CACNA1S: variants seen among roughly 807,000 people sequenced by gnomAD.
The protein encoded by CACNA1S is voltage-dependent L-type calcium channel subunit alpha-1S.
In CACNA1S, 126 loss-of-function variants were observed where a neutral mutation model predicts 207.4. The observed-to-expected ratio is 0.61, with a 90% CI of 0.53 to 0.70. The LOEUF (loss-of-function observed/expected upper bound fraction) is 0.70, where lower values mean the gene tolerates loss of function less well. Among genes scored for constraint, CACNA1S ranks in the 30% least tolerant of loss-of-function variants. The pLI is 0.00. For missense variants in CACNA1S, 2,349 were observed against 2,422.8 expected, an observed-to-expected ratio of 0.97 and a Z score of 0.64; for synonymous variants, 960 against 932.7, an observed-to-expected ratio of 1.03 and a Z score of -0.53.
rs1243109044 is a variant in CACNA1S, at chr1:201,110,157, A to G, written c.258+7T>C. Reference sequence around the variant, plus strand: ...CGCAGGAAGGGAGATGGAAGGGCCAATCTTACCAGGCCGAGGTTCAGAGAG... The same window carrying G: ...CGCAGGAAGGGAGATGGAAGGGCCAGTCTTACCAGGCCGAGGTTCAGAGAG... On this transcript the variant is annotated splice_region_variant and intron_variant, in intron 2 of 43. Transcript: ENST00000362061. 2 of 1,613,594 alleles carry G rather than the reference A, an allele frequency of 1.2e-6. No homozygotes were observed. The highest frequency in any genetic ancestry group is 2.2e-5 in the East Asian group (1 of 44,874).
intron 31 of CACNA1S, among the ~76,000 whole-genome samples, chr1:201,052,932 G>A (rs897489933): frequency 3.9e-5 from 6 of 152,060 alleles, no homozygotes; most frequent in African/African-American, 1.5e-4. Flanking sequence ...CTCAGGGGAG[G>A]GTAGACAGAG....
In CACNA1S at chr1:201,085,004, G is replaced by A; in HGVS notation, c.1178C>T (p.Ser393Phe). The change falls in exon 9 of 44, where the codon TCT becomes TTT. Residue 393 changes from serine (S) to phenylalanine (F), a missense_variant. Physicochemically the swap from Ser to Phe is radical, Grantham distance 155. Transcript: ENST00000362061. ...EGKLSLDEGGSDTESLYEIAG... is the reference protein window; with the variant it reads ...EGKLSLDEGGFDTESLYEIAG... ...AATTTCATACAGGCTCTCTGTGTCA[G>A]AGCCACCTTCATCCAAAGACAGTTT... 6.2e-7 allele frequency: 1 copy of A among 1,612,292 alleles called. No individual in the cohort carries two copies. Among genetic ancestry groups the A allele is most frequent in the African/African-American group, 1.3e-5 (1 of 75,036 alleles).
Position 201,053,670 on chromosome 1 carries a change from T to G in CACNA1S, c.3667-83A>C. ...GCAGGGCGGGGAGGGAGGTGCACTG[T>G]GTGTTTTGGGGAGATGTTTGTGGCA... On this transcript the variant is annotated intron_variant, in intron 29 of 43. Coordinates refer to ENST00000362061, the MANE Select transcript of CACNA1S (RefSeq NM_000069.3). The surrounding 1 kb of genome is among the most constrained non-coding windows in gnomAD (Gnocchi z 5.1). The G allele has an allele frequency of 6.9e-7, 1 of 1,440,712 alleles. No individual in the cohort carries two copies. The allele number at this position is 1,440,712 out of a possible 1,614,324, so 89.2% of individuals were successfully genotyped here.
chr1:201,083,728 T>A (rs948668297), intron 9 of CACNA1S, among the ~76,000 whole-genome samples: 3 of 152,234 alleles, frequency 2.0e-5, no homozygotes, highest in South Asian at 2.1e-4. Context: ...ACAATCTTTT[T>A]GGGATGAATT....
In CACNA1S at chr1:201,066,534, T is replaced by C. The variant is rs1040237160; in HGVS notation, c.2658-218A>G. Among the ~76,000 whole-genome samples the C allele has an allele frequency of 9.9e-5, 15 of 152,126 alleles. 1 individual carries two copies. The highest frequency in any genetic ancestry group is 1.6e-4 in the Non-Finnish European group (11 of 68,002). On this transcript the variant is annotated intron_variant, in intron 20 of 43. Coordinates refer to ENST00000362061, the MANE Select transcript of CACNA1S (RefSeq NM_000069.3). The surrounding 1 kb of genome is among the most constrained non-coding windows in gnomAD (Gnocchi z 4.3). ...GGACCATGCTCTCATGGGTGTGTCA[T>C]GAAGCAGAAGACAGCCTTCCCCTGT... is the stretch of plus-strand genomic sequence containing the variant.
At chr1:201,067,102 A>G (rs773455834) in intron 19 of CACNA1S, 109 bp from the exon 20 acceptor site, 39 of 741,810 alleles carry the variant, frequency 5.3e-5, no homozygotes, top group Non-Finnish European at 8.4e-5. Context: ...CTGAGGCAAT[A>G]GCCTTCCAGA....
rs932982023 is a variant in CACNA1S, at chr1:201,090,214, A to G, written c.695-751T>C. 4.6e-5 allele frequency among the ~76,000 whole-genome samples: 7 copies of G among 152,328 alleles called. No individual in the cohort carries two copies. The South Asian group carries it at 1.2e-3, about 27-fold the overall frequency. On this transcript the variant is annotated intron_variant, in intron 5 of 43. Transcript: ENST00000362061. ...ATGGGTCTGTAGGGGCCCTGACCCC[A>G]TGAAGTCAGAAGCCCCGATCCGAGA...
Position 201,039,569 on chromosome 1 carries a change from C to T in CACNA1S, c.*262G>A. ...TCCTGCAGGTGGGAGTGGCCCTAGG[C>T]CAGACAGGCACTGACCAGGCCTTTT... On this transcript the variant is annotated 3_prime_UTR_variant, in exon 44 of 44. Coordinates refer to ENST00000362061, the MANE Select transcript of CACNA1S (RefSeq NM_000069.3). 1 of 568,832 alleles carries T rather than the reference C, an allele frequency of 1.8e-6. No homozygotes were observed. Among genetic ancestry groups the T allele is most frequent in the Non-Finnish European group, 3.1e-6 (1 of 317,564 alleles). The allele number at this position is 568,832 out of a possible 1,614,324, so 35.2% of individuals were successfully genotyped here. A position where few individuals can be genotyped will look rare whatever the true frequency, so the allele number is the denominator to read the frequency against.
chr1:201,057,491 C>G (rs1660889021), intron 28 of CACNA1S, among the ~76,000 whole-genome samples: 2 of 152,202 alleles, frequency 1.3e-5, no homozygotes, highest in South Asian at 4.1e-4. Context: ...TTATTTATTG[C>G]CAGTTTGTTC....
At chr1:201,092,574 C>T (rs917565850) in intron 3 of CACNA1S, among the ~76,000 whole-genome samples, 1 of 152,206 alleles carries the variant, frequency 6.6e-6, no homozygotes, top group Non-Finnish European at 1.5e-5. Flanking sequence ...CCTCCTCTTC[C>T]TCTCTTAATT....
In CACNA1S at chr1:201,065,912, T is replaced by C; in HGVS notation, c.2779A>G (p.Thr927Ala). The C allele has an allele frequency of 6.2e-7, 1 of 1,613,934 alleles. No homozygotes were observed. The highest frequency in any genetic ancestry group is 8.5e-7 in the Non-Finnish European group (1 of 1,179,910). Reference sequence around the variant, plus strand: ...GTGACCAGCACGATGTTCCCGATGGTGCTGATGGCCACGAACATGCACTGC... The same window carrying C: ...GTGACCAGCACGATGTTCCCGATGGCGCTGATGGCCACGAACATGCACTGC... The part of the protein sequence containing the change: ...VVQCMFVAIS[T>A]IGNIVLVTTL... Residue 927 changes from threonine (T) to alanine (A), a missense_variant, in exon 22 of 44, where the codon ACC (threonine) becomes GCC (alanine). Physicochemically the swap from Thr to Ala is moderately conservative, Grantham distance 58. Coordinates refer to ENST00000362061, the MANE Select transcript of CACNA1S (RefSeq NM_000069.3).
At chr1:201,108,928 A>G (rs1662997606) in intron 2 of CACNA1S, among the ~76,000 whole-genome samples, 1 of 152,168 alleles carries the variant, frequency 6.6e-6, no homozygotes, top group South Asian at 2.1e-4. Context: ...GCCGTCACCC[A>G]TCACCTTGGC....
chr1:201,106,825 G>A (rs1662911863), intron 2 of CACNA1S, among the ~76,000 whole-genome samples: 1 of 152,216 alleles, frequency 6.6e-6, no homozygotes, highest in South Asian at 2.1e-4. Context: ...GCACCCAAGG[G>A]TGTTGCAATC....
At chr1:201,094,977 C>T (rs1407770287) in intron 2 of CACNA1S, among the ~76,000 whole-genome samples, 1 of 152,016 alleles carries the variant, frequency 6.6e-6, no homozygotes, top group African/African-American at 2.4e-5. Context: ...GCTGAAACTG[C>T]TCTCCTTGCA....
At chr1:201,101,012 T>C (rs1662637587) in intron 2 of CACNA1S, among the ~76,000 whole-genome samples, 1 of 152,058 alleles carries the variant, frequency 6.6e-6, no homozygotes, top group Admixed American at 6.6e-5. Context: ...AGTATTAATG[T>C]CATAATACAA....
intron 24 of CACNA1S, 119 bp downstream of exon 24, chr1:201,061,825 G>T (rs1661059953): frequency 8.4e-7 from 1 of 1,184,566 alleles, no homozygotes; most frequent in Non-Finnish European, 1.3e-6. Flanking sequence ...GAGTTGGTGG[G>T]TTTGTTGGAC....
intron 2 of CACNA1S, among the ~76,000 whole-genome samples, chr1:201,097,656 G>T (rs527271646): frequency 6.6e-6 from 1 of 152,274 alleles, no homozygotes; most frequent in East Asian, 1.9e-4. Flanking sequence ...TTCTAACTGT[G>T]GGGATTCTCC....
At chr1:201,110,101 G>A (rs1663038849) in intron 2 of CACNA1S, 63 bp downstream of exon 2, 5 of 1,443,160 alleles carry the variant, frequency 3.5e-6, no homozygotes, top group South Asian at 1.1e-5. Flanking sequence ...AGTCCACCAA[G>A]GGGGCCTCCC....
At position 201,053,478 on chromosome 1, in the gene CACNA1S, G is replaced by A. The variant is rs376326495; in HGVS notation, c.3776C>T (p.Thr1259Met). 9 of 1,614,016 alleles carry A rather than the reference G, an allele frequency of 5.6e-6. No individual in the cohort carries two copies. Among genetic ancestry groups the A allele is most frequent in the Non-Finnish European group, 6.8e-6 (8 of 1,180,024 alleles). Residue 1259 changes from threonine to methionine, a missense_variant, in exon 30 of 44, where the codon ACG becomes ATG. Thr to Met is a moderately conservative substitution (Grantham distance 81). Coordinates refer to ENST00000362061, the MANE Select transcript of CACNA1S (RefSeq NM_000069.3). The surrounding 1 kb of genome is among the most constrained non-coding windows in gnomAD (Gnocchi z 5.1). ...TTGCACCTGGAAGGACTTGATGAAC[G>A]TCCACAGGAGGGTTCGCACTCCTTC... is the stretch of plus-strand genomic sequence containing the variant. The part of the protein sequence containing the change: ...RAEGVRTLLW[T>M]FIKSFQALPY...
Sources: allele counts gnomAD v4.1 joint callset (sites outside exome capture counted in the v4.1 genomes callset), GRCh38; gene constraint gnomAD v4.1.1; non-coding constraint Gnocchi (gnomAD v3.1); transcripts MANE v1.5; gene names NCBI Gene and HGNC (gene_info 2026-07-23, HGNC 2026-07-21).